SORCS2: variants seen among roughly 807,000 people sequenced by gnomAD.
SORCS2 encodes the protein sortilin related VPS10 domain containing receptor 2.
Under a neutral mutation model 141.6 loss-of-function variants are expected in SORCS2, and 100 were observed. That is an observed-to-expected ratio of 0.71 (90% CI 0.60 to 0.83). The LOEUF (loss-of-function observed/expected upper bound fraction) is 0.83, where lower values mean the gene tolerates loss of function less well. SORCS2 is among the 40% of genes least tolerant of loss of function. SORCS2 has a pLI of 0.00. For synonymous variants in SORCS2, 789 were observed against 676.9 expected (o/e 1.17, Z -2.57); for missense variants, 1,646 against 1,560.2 (o/e 1.05, Z -0.93).
At chr4:7,570,542 C>T (rs1250265985) in intron 3 of SORCS2, among the ~76,000 whole-genome samples, 1 of 152,238 alleles carries the variant, frequency 6.6e-6, no homozygotes, top group Non-Finnish European at 1.5e-5. Context: ...CAATCTGCTC[C>T]CACCTGCCTC....
At chr4:7,367,695 ACT>A (rs1721986081) in intron 1 of SORCS2, among the ~76,000 whole-genome samples, 1 of 151,160 alleles carries the variant, frequency 6.6e-6, no homozygotes, top group Admixed American at 6.6e-5. Flanking sequence ...GTTGGCTCCG[ACT>A]CTCCCTAGGA....
intron 1 of SORCS2, among the ~76,000 whole-genome samples, chr4:7,376,864 G>A (rs1304961012): frequency 6.6e-6 from 1 of 152,166 alleles, no homozygotes; most frequent in East Asian, 1.9e-4. Context: ...CTCCCCAGAT[G>A]TCCTCTGGAA....
chr4:7,670,221 C>T (rs202076049), intron 8 of SORCS2, among the ~76,000 whole-genome samples: 17 of 152,210 alleles, frequency 1.1e-4, no homozygotes, highest in Middle Eastern at 3.4e-3. Context: ...TAAATGATAC[C>T]GTCCTGCTGT....
chr4:7,535,160 C>T (rs1404634390), intron 3 of SORCS2, among the ~76,000 whole-genome samples: 4 of 152,226 alleles, frequency 2.6e-5, no homozygotes, highest in Admixed American at 2.0e-4. Flanking sequence ...TCCCTGCCCA[C>T]CTCCTCACCA....
At chr4:7,363,229 TCATCACCAC>T (rs796698622) in intron 1 of SORCS2, among the ~76,000 whole-genome samples, 1,682 of 148,984 alleles carry the variant, frequency 0.011, 32 homozygotes, top group African/African-American at 0.04. Context: ...ATTACTACCA[TCATCACCAC>T]CATCACCATC....
intron 3 of SORCS2, among the ~76,000 whole-genome samples, chr4:7,535,111 G>C (rs1458956329): frequency 1.3e-5 from 2 of 152,182 alleles, no homozygotes; most frequent in African/African-American, 4.8e-5. Context: ...AGACAGGGCT[G>C]GGCTTCTGGG....
intron 3 of SORCS2, among the ~76,000 whole-genome samples, chr4:7,628,745 G>C (rs1017940669): frequency 2.6e-5 from 4 of 152,080 alleles, no homozygotes; most frequent in African/African-American, 9.7e-5. Context: ...TCCCGCGGTG[G>C]GAGCTGCACT....
intron 2 of SORCS2, among the ~76,000 whole-genome samples, chr4:7,470,176 C>G (rs917376408): frequency 1.3e-5 from 2 of 151,890 alleles, no homozygotes; most frequent in Admixed American, 1.3e-4. Context: ...ATCCATCCAT[C>G]CTCCCATCCT....
intron 3 of SORCS2, among the ~76,000 whole-genome samples, chr4:7,630,791 A>G (rs1320023292): frequency 6.6e-6 from 1 of 152,198 alleles, no homozygotes; most frequent in Non-Finnish European, 1.5e-5. Flanking sequence ...CTCTCTCAGC[A>G]TCAAAGCCAA....
intron 8 of SORCS2, among the ~76,000 whole-genome samples, chr4:7,671,941 CTTTTT>C (rs34912914): frequency 7.8e-6 from 1 of 128,598 alleles, no homozygotes; most frequent in Non-Finnish European, 1.6e-5. Context: ...AAGACAGAAA[CTTTTT>C]TTTTTTTTTT....
At chr4:7,535,050 C>T (rs17761804) in intron 3 of SORCS2, among the ~76,000 whole-genome samples, 4,063 of 152,284 alleles carry the variant, frequency 0.027, 93 homozygotes, top group Non-Finnish European at 0.036. Context: ...GCTGACACAC[C>T]GATCCTGATT....
chr4:7,217,965 T>C lies in SORCS2; in HGVS notation c.480+24839T>C, dbSNP rs142483147. Among the ~76,000 whole-genome samples the C allele has an allele frequency of 9.2e-5, 14 of 152,274 alleles. No homozygotes were observed. In the East Asian group the frequency reaches 2.3e-3, roughly 25 times the overall value. ...CACGGTCCCAGGCTGCCTTTCCCAC[T>C]GTGCAGCTGGGTGATGCTGGACAGG... On this transcript the variant is annotated intron_variant, in intron 1 of 26. Transcript: ENST00000507866.
chr4:7,243,392 C>T (rs935503085), intron 1 of SORCS2, among the ~76,000 whole-genome samples: 3 of 152,096 alleles, frequency 2.0e-5, no homozygotes, highest in Admixed American at 6.5e-5. Context: ...AAGACCACCC[C>T]TAGGAGTGGT....
intron 1 of SORCS2, among the ~76,000 whole-genome samples, chr4:7,331,300 G>A (rs1719641579): frequency 6.6e-6 from 1 of 152,158 alleles, no homozygotes; most frequent in Non-Finnish European, 1.5e-5. Flanking sequence ...GGGTGGTTGG[G>A]GTGCAGGTCT....
At chr4:7,543,743 C>CCAT (rs1712945012) in intron 3 of SORCS2, among the ~76,000 whole-genome samples, 1 of 34,290 alleles carries the variant, frequency 2.9e-5, no homozygotes. Context: ...CACCCATCCA[C>CCAT]CCATCCACCC....
At chr4:7,325,325 C>A (rs187783584) in intron 1 of SORCS2, among the ~76,000 whole-genome samples, 1 of 152,278 alleles carries the variant, frequency 6.6e-6, no homozygotes, top group Non-Finnish European at 1.5e-5. Context: ...GGGGTGATTG[C>A]TTTGAGGTTT....
intron 11 of SORCS2, among the ~76,000 whole-genome samples, chr4:7,695,930 G>GGATT (rs1724674672): frequency 8.5e-6 from 1 of 117,534 alleles, no homozygotes; most frequent in African/African-American, 3.2e-5. Context: ...ATGGATTGGT[G>GGATT]GGTGGGTGGG....
intron 2 of SORCS2, among the ~76,000 whole-genome samples, chr4:7,481,395 G>A (rs1406979720): frequency 6.6e-6 from 1 of 152,352 alleles, no homozygotes; most frequent in African/African-American, 2.4e-5. Context: ...AGAGCTGGGT[G>A]GTGGGATTCT....
intron 2 of SORCS2, among the ~76,000 whole-genome samples, chr4:7,467,566 C>T (rs1729699021): frequency 6.6e-6 from 1 of 152,182 alleles, no homozygotes; most frequent in Non-Finnish European, 1.5e-5. Flanking sequence ...CCTGGGCAGT[C>T]TATGCCACTT....
Sources: gnomAD v4.1 joint callset for allele counts (sites outside exome capture counted in the v4.1 genomes callset) on GRCh38, gnomAD v4.1.1 for gene constraint, MANE v1.5 for transcripts, NCBI Gene and HGNC (gene_info 2026-07-23, HGNC 2026-07-21) for gene names.